The following KLHL14 variants were observed in gnomAD, a reference collection of about 807,000 sequenced individuals.
KLHL14 encodes kelch-like protein 14.
Under a neutral mutation model 64.3 loss-of-function variants are expected in KLHL14, and 22 were observed. That is an observed-to-expected ratio of 0.34 (90% CI 0.24 to 0.49). KLHL14 has a LOEUF of 0.49. Ranked by LOEUF, KLHL14 falls within the 20% of genes least tolerant of loss-of-function variation. The pLI, the probability that KLHL14 is intolerant of heterozygous loss-of-function variation, is 0.99. For synonymous variants in KLHL14, 322 were observed against 333.4 expected (o/e 0.97, Z 0.37); for missense variants, 661 against 789.0 (o/e 0.84, Z 1.94).
intron 3 of KLHL14, among the ~76,000 whole-genome samples, chr18:32,705,514 C>T (rs8089651): frequency 2.0e-5 from 3 of 151,918 alleles, no homozygotes; most frequent in East Asian, 1.9e-4. Context: ...CTTGAGGCCA[C>T]GAGTTTGAGA....
At chr18:32,766,326 CTA>C (rs2050344003) in intron 2 of KLHL14, among the ~76,000 whole-genome samples, 1 of 151,958 alleles carries the variant, frequency 6.6e-6, no homozygotes, top group African/African-American at 2.4e-5. Context: ...TAAATTTAGA[CTA>C]TGTCTTCTGT....
chr18:32,711,748 C>T (rs1027375998), intron 3 of KLHL14, among the ~76,000 whole-genome samples: 24 of 152,206 alleles, frequency 1.6e-4, no homozygotes, highest in African/African-American at 5.3e-4. Flanking sequence ...TCTTTATTCC[C>T]TCCTGATTCA....
intron 2 of KLHL14, among the ~76,000 whole-genome samples, chr18:32,760,043 A>G (rs951261354): frequency 6.6e-6 from 1 of 152,182 alleles, no homozygotes; most frequent in African/African-American, 2.4e-5. Context: ...TTTGCACAGG[A>G]TGCTCTGATG....
At chr18:32,772,548 C>A (rs1057395386) in intron 1 of KLHL14, 119 bp downstream of exon 1, 6 of 153,364 alleles carry the variant, frequency 3.9e-5, no homozygotes, top group Non-Finnish European at 7.2e-5. Context: ...TGAGCGTTTG[C>A]CATACAACTA....
Position 32,674,457 on chromosome 18 carries a change from G to A in KLHL14, c.*200C>T, listed in dbSNP as rs1267384487. 6.4e-6 allele frequency: 3 copies of A among 470,338 alleles called. No individual in the cohort carries two copies. The highest frequency in any genetic ancestry group is 1.1e-5 in the Non-Finnish European group (3 of 261,724). 29.1% of individuals were successfully genotyped at this position (470,338 alleles called of 1,614,324 possible). A position where few individuals can be genotyped will look rare whatever the true frequency, so the allele number is the denominator to read the frequency against. On this transcript the variant is annotated 3_prime_UTR_variant, in exon 9 of 9. Coordinates refer to ENST00000359358, the MANE Select transcript of KLHL14 (RefSeq NM_020805.3). Reference sequence around the variant, plus strand: ...ATGGAAGAGTCTGTCACCACAGGAAGTTTGGTGCGATCTGAGTTATAGACA... The same window carrying A: ...ATGGAAGAGTCTGTCACCACAGGAAATTTGGTGCGATCTGAGTTATAGACA...
intron 3 of KLHL14, among the ~76,000 whole-genome samples, chr18:32,733,381 G>A (rs2050146516): frequency 7.1e-6 from 1 of 141,032 alleles, no homozygotes; most frequent in African/African-American, 2.7e-5. Flanking sequence ...GAGAGAAAGA[G>A]AGAGAAAGGA....
chr18:32,748,470 C>T (rs2050235171), intron 2 of KLHL14, among the ~76,000 whole-genome samples: 1 of 152,012 alleles, frequency 6.6e-6, no homozygotes, highest in Non-Finnish European at 1.5e-5. Flanking sequence ...CCCGGGTTCA[C>T]GCCATTCTCC....
intron 2 of KLHL14, among the ~76,000 whole-genome samples, chr18:32,749,804 G>A (rs1459889075): frequency 6.6e-6 from 1 of 152,130 alleles, no homozygotes; most frequent in African/African-American, 2.4e-5. Context: ...TGATTTGGCA[G>A]GTAGAAAAGG....
chr18:32,730,653 C>G (rs538647940), intron 3 of KLHL14, among the ~76,000 whole-genome samples: 137 of 152,278 alleles, frequency 9.0e-4, no homozygotes, highest in Admixed American at 1.5e-3. Flanking sequence ...ATCGCTTTGT[C>G]TAGTGTGAAG....
chr18:32,731,258 G>A (rs1015841637), intron 3 of KLHL14, among the ~76,000 whole-genome samples: 5 of 152,146 alleles, frequency 3.3e-5, no homozygotes, highest in East Asian at 1.9e-4. Context: ...CCTTCATTAC[G>A]TCTTTATTTT....
chr18:32,684,313 G>A (rs968201485), intron 5 of KLHL14, among the ~76,000 whole-genome samples: 15 of 152,194 alleles, frequency 9.9e-5, no homozygotes, highest in Admixed American at 2.6e-4. Flanking sequence ...TGAGTCTGAA[G>A]GCCATGTGCC....
At chr18:32,727,118 A>G (rs1177759327) in intron 3 of KLHL14, among the ~76,000 whole-genome samples, 1 of 152,242 alleles carries the variant, frequency 6.6e-6, no homozygotes, top group Non-Finnish European at 1.5e-5. Flanking sequence ...GTTGGCTACT[A>G]TATTTGTGAA....
At chr18:32,691,968 A>G (rs2049909928) in intron 4 of KLHL14, among the ~76,000 whole-genome samples, 1 of 152,212 alleles carries the variant, frequency 6.6e-6, no homozygotes, top group East Asian at 1.9e-4. Context: ...GAAGAAAAGA[A>G]GTTCCCTATG....
chr18:32,731,203 CATCTCATGG>C (rs1474489872), intron 3 of KLHL14, among the ~76,000 whole-genome samples: 1 of 152,212 alleles, frequency 6.6e-6, no homozygotes, highest in Non-Finnish European at 1.5e-5. Flanking sequence ...ACCATAGAGT[CATCTCATGG>C]ATTTGAAAAG....
rs190630727 is a variant in KLHL14 at position 32,691,543 on chromosome 18, C to T, written c.1159+3920G>A. Among the ~76,000 whole-genome samples, 186 of 152,002 alleles carry T rather than the reference C, an allele frequency of 1.2e-3. 2 individuals carry two copies. Among genetic ancestry groups the T allele is most frequent in the Non-Finnish European group, 2.2e-3 (147 of 67,998 alleles). The stretch of plus-strand genomic sequence containing the variant: ...ACAGAGTGAGATCCTGTTCCCAGAC[C>T]CCCCAAAGAAGATGCAAAAATAGGT... On this transcript the variant is annotated intron_variant, in intron 4 of 8. Coordinates refer to ENST00000359358, the MANE Select transcript of KLHL14 (RefSeq NM_020805.3).
intron 3 of KLHL14, among the ~76,000 whole-genome samples, chr18:32,724,037 A>G (rs1196657237): frequency 6.6e-6 from 1 of 152,242 alleles, no homozygotes; most frequent in East Asian, 1.9e-4. Flanking sequence ...CCAGTTGGAA[A>G]AAAAATATCA....
chr18:32,755,070 AATCTCTT>A (rs1025181734), intron 2 of KLHL14, among the ~76,000 whole-genome samples: 1 of 151,850 alleles, frequency 6.6e-6, no homozygotes, highest in African/African-American at 2.4e-5. Flanking sequence ...GGTGAAATGG[AATCTCTT>A]ATCTTCCTCT....
chr18:32,770,505 C>A lies in KLHL14; in HGVS notation c.87G>T (p.Lys29Asn). 6.2e-7 allele frequency: 1 copy of A among 1,611,598 alleles called. No individual in the cohort carries two copies. The highest frequency in any genetic ancestry group is 8.5e-7 in the Non-Finnish European group (1 of 1,179,930). The change falls in exon 2 of 9, where the codon AAG becomes AAT. Residue 29 changes from lysine to asparagine, a missense_variant. Physicochemically the swap from Lys to Asn is moderately conservative, Grantham distance 94. Transcript: ENST00000359358. The surrounding 1 kb of genome is among the most constrained non-coding windows in gnomAD (Gnocchi z 6.7). ...LLHGLNLLWR[K>N]QLFCDVTLTA... ...TCAGGGTCACGTCGCAAAACAGCTG[C>A]TTCCTCCACAGCAGGTTGAGGCCGT...
intron 3 of KLHL14, among the ~76,000 whole-genome samples, chr18:32,736,375 A>C (rs1245564065): frequency 6.6e-6 from 1 of 152,154 alleles, no homozygotes; most frequent in Non-Finnish European, 1.5e-5. Context: ...AGATGCTAAC[A>C]TATTTAAAAA....
Sources: gnomAD v4.1 joint callset for allele counts (sites outside exome capture counted in the v4.1 genomes callset) on GRCh38, gnomAD v4.1.1 for gene constraint, Gnocchi (gnomAD v3.1) non-coding constraint, MANE v1.5 for transcripts, NCBI Gene and HGNC (gene_info 2026-07-23, HGNC 2026-07-21) for gene names.